Variants in STRBP observed in about 807,000 individuals in gnomAD.
The protein encoded by STRBP is spermatid perinuclear RNA-binding protein.
STRBP carries 13 observed loss-of-function variants against 80.1 expected under a neutral mutation model. The observed-to-expected ratio is 0.16, with a 90% CI of 0.11 to 0.26. The LOEUF (loss-of-function observed/expected upper bound fraction) is 0.26, where lower values mean the gene tolerates loss of function less well. Among genes scored for constraint, STRBP ranks in the 10% least tolerant of loss-of-function variants. The pLI is 1.00. For missense variants in STRBP, 485 were observed against 815.2 expected (o/e 0.59, Z 4.93); for synonymous variants, 284 against 291.2 (o/e 0.98, Z 0.25).
Position 123,201,128 on chromosome 9 carries a change from TGATTA to T in STRBP, c.-164-16835_-164-16831del, listed in dbSNP as rs2039311027. Among the ~76,000 whole-genome samples the T allele has an allele frequency of 1.3e-5, 2 of 152,164 alleles. 1 individual carries two copies. Among genetic ancestry groups the T allele is most frequent in the South Asian group, 4.1e-4 (2 of 4,828 alleles). On this transcript the variant is annotated intron_variant, in intron 2 of 18. Coordinates refer to ENST00000348403, the MANE Select transcript of STRBP (RefSeq NM_018387.5). ...AGCTTATTTGGGCCTTCTCTCTTCT[TGATTA>T]ATCTAGCTCATGGTCTATCAATTTT...
At chr9:123,217,498 T>C (rs896666033) in intron 2 of STRBP, among the ~76,000 whole-genome samples, 13 of 152,320 alleles carry the variant, frequency 8.5e-5, no homozygotes, top group Non-Finnish European at 1.2e-4. Flanking sequence ...TAAAAATCAT[T>C]GCCAATTAGA....
Position 123,159,097 on chromosome 9 carries a change from A to G in STRBP, c.834T>C (p.Pro278=). Residue 278 remains proline, a splice_region_variant and synonymous_variant, in exon 9 of 19, where the codon CCT becomes CCC. Transcript: ENST00000348403. ...MECLASGILL[P]GGPGLHDPCE... ...GCTTCCAGAGTTTGAAACCCTTACC[A>G]GGAAGTAGTATTCCAGATGCCAAAC... 1.2e-6 allele frequency: 2 copies of G among 1,611,528 alleles called. No individual in the cohort carries two copies. Among genetic ancestry groups the G allele is most frequent in the South Asian group, 1.1e-5 (1 of 90,954 alleles).
At chr9:123,241,191 AAAAAC>A (rs1232106880) in intron 1 of STRBP, among the ~76,000 whole-genome samples, 2 of 151,860 alleles carry the variant, frequency 1.3e-5, no homozygotes, top group African/African-American at 4.8e-5. Flanking sequence ...AAAAAAAAAA[AAAAAC>A]AAAGTGATTT....
intron 7 of STRBP, 130 bp downstream of exon 7, chr9:123,160,847 C>T: frequency 1.5e-6 from 1 of 686,186 alleles, no homozygotes; most frequent in Non-Finnish European, 2.4e-6. Context: ...TCAATTACTC[C>T]AACAACCACA....
At chr9:123,218,672 A>T (rs988755408) in intron 2 of STRBP, among the ~76,000 whole-genome samples, 7 of 152,178 alleles carry the variant, frequency 4.6e-5, no homozygotes, top group African/African-American at 1.7e-4. Context: ...CCCGGCCTAA[A>T]TATGACTTTT....
chr9:123,228,006 G>A (rs1328039455), intron 2 of STRBP, among the ~76,000 whole-genome samples: 2 of 152,232 alleles, frequency 1.3e-5, no homozygotes, highest in African/African-American at 2.4e-5. Flanking sequence ...GGCAACGGCA[G>A]AGATGGTAAG....
chr9:123,265,248 G>C (rs1249048872), intron 1 of STRBP, among the ~76,000 whole-genome samples: 2 of 151,096 alleles, frequency 1.3e-5, no homozygotes, highest in African/African-American at 2.4e-5. Context: ...TTGGTGTTCT[G>C]CTCCGCCCTC....
intron 6 of STRBP, among the ~76,000 whole-genome samples, chr9:123,163,623 T>C (rs2037620139): frequency 6.6e-6 from 1 of 152,222 alleles, no homozygotes; most frequent in Non-Finnish European, 1.5e-5. Flanking sequence ...TCAAAGTTCT[T>C]AATATTAAAA....
At chr9:123,223,337 A>C (rs1036976243) in intron 2 of STRBP, among the ~76,000 whole-genome samples, 1 of 152,212 alleles carries the variant, frequency 6.6e-6, no homozygotes, top group Non-Finnish European at 1.5e-5. Flanking sequence ...TAACAGAATG[A>C]ACATTATGCA....
In STRBP at chr9:123,125,437, C is replaced by T; in HGVS notation, c.*160G>A. The T allele has an allele frequency of 8.1e-7, 1 of 1,230,174 alleles. No individual in the cohort carries two copies. 76.2% of individuals were successfully genotyped at this position (1,230,174 alleles called of 1,614,324 possible). On this transcript the variant is annotated 3_prime_UTR_variant, in exon 19 of 19. Transcript: ENST00000348403. ...TTTTTTTTTTTCAAGTTTTAGAGAA[C>T]TAAATTTGCATTTGTTAAAATCAAA...
At chr9:123,187,429 C>G (rs1316933526) in intron 2 of STRBP, among the ~76,000 whole-genome samples, 1 of 152,002 alleles carries the variant, frequency 6.6e-6, no homozygotes, top group Non-Finnish European at 1.5e-5. Context: ...ATAAAAATAC[C>G]TAATAATATC....
rs1204717878 is a variant in STRBP at position 123,179,122 on chromosome 9, T to C, written c.109A>G (p.Thr37Ala). The C allele has an allele frequency of 1.9e-6, 3 of 1,614,138 alleles. No individual in the cohort carries two copies. The highest frequency in any genetic ancestry group is 1.7e-5 in the Admixed American group (1 of 60,026). The change falls in exon 4 of 19, where the codon ACT becomes GCT. Residue 37 changes from threonine (T) to alanine (A), a missense_variant. Thr to Ala is a moderately conservative substitution (Grantham distance 58, BLOSUM62 0). Coordinates refer to ENST00000348403, the MANE Select transcript of STRBP (RefSeq NM_018387.5). Reference sequence around the variant, plus strand: ...ACATGTTTAAGAGCACATTCAACAGTAGATACCATATTCTGAACAGCTTCA... The same window carrying C: ...ACATGTTTAAGAGCACATTCAACAGCAGATACCATATTCTGAACAGCTTCA... ...ELEAVQNMVS[T>A]VECALKHVSD...
chr9:123,136,272 A>T lies in STRBP; in HGVS notation c.1633-91T>A. On this transcript the variant is annotated intron_variant, in intron 15 of 18. Transcript: ENST00000348403. This position sits in a 1 kb window ranked among gnomAD's most constrained non-coding sequence, Gnocchi z 4.2. The stretch of plus-strand genomic sequence containing the variant: ...AGATTATGACACAGAAAACACCAAA[A>T]ATCAAATAGTGCCACAAGAACTGAC... The T allele has an allele frequency of 6.3e-7, 1 of 1,594,614 alleles. No individual in the cohort carries two copies. The highest frequency in any genetic ancestry group is 8.5e-7 in the Non-Finnish European group (1 of 1,170,798).
chr9:123,110,807 C>G lies in STRBP; in HGVS notation c.*85-1054G>C, dbSNP rs184423812. On this transcript the variant is annotated intron_variant and NMD_transcript_variant, in intron 3 of 3. Transcript: ENST00000471564. The surrounding 1 kb of genome is among the most constrained non-coding windows in gnomAD (Gnocchi z 4.1). The stretch of plus-strand genomic sequence containing the variant: ...AACATTTCTAAAAATGAGCCCTCCT[C>G]CCTCGGAAAGGTAGTAAGTAGTAGC... 3.5e-4 allele frequency: 60 copies of G among 169,372 alleles called. No individual in the cohort carries two copies. Among genetic ancestry groups the G allele is most frequent in the Non-Finnish European group, 7.3e-4 (50 of 68,212 alleles). 10.5% of individuals were successfully genotyped at this position (169,372 alleles called of 1,614,324 possible). A position where few individuals can be genotyped will look rare whatever the true frequency, so the allele number is the denominator to read the frequency against.
rs1010344648 is a variant in STRBP, at chr9:123,142,336, T to C, written c.1339-2649A>G. Among the ~76,000 whole-genome samples the C allele has an allele frequency of 2.0e-5, 3 of 152,184 alleles. No individual in the cohort carries two copies. The East Asian group carries it at 5.8e-4, about 29-fold the overall frequency. On this transcript the variant is annotated intron_variant, in intron 13 of 18. Transcript: ENST00000348403. ...CCTCCTGCTCGGACCACATAAGATGTGCCTGCTTCCCCTTCCACCATGATT... is the reference window on the plus strand; with the variant it reads ...CCTCCTGCTCGGACCACATAAGATGCGCCTGCTTCCCCTTCCACCATGATT...
intron 8 of STRBP, 117 bp downstream of exon 8, chr9:123,160,250 C>A: frequency 3.5e-6 from 2 of 569,772 alleles, no homozygotes; most frequent in Non-Finnish European, 5.6e-6. Flanking sequence ...GGCAAACATA[C>A]ATAATGCATG....
At chr9:123,244,699 G>C (rs1390583961) in intron 1 of STRBP, among the ~76,000 whole-genome samples, 3 of 152,192 alleles carry the variant, frequency 2.0e-5, no homozygotes, top group African/African-American at 7.2e-5. Flanking sequence ...CACATACACT[G>C]CTGGTGGGAA....
At chr9:123,263,333 A>G (rs1296564982) in intron 1 of STRBP, among the ~76,000 whole-genome samples, 1 of 152,092 alleles carries the variant, frequency 6.6e-6, no homozygotes, top group African/African-American at 2.4e-5. Context: ...CCTGGGCAAC[A>G]CAGCAAGACC....
At position 123,160,436 on chromosome 9, in the gene STRBP, A is replaced by T; in HGVS notation, c.654T>A (p.Cys218Ter). Reference protein sequence around the residue: ...FQARANGLKSCVIVLRILRDL... With the variant: ...FQARANGLKS ...CACGCAGAATGCGGAGGACAATTACACATGATTTTAATCCATTTGCCCTTG... is the reference window on the plus strand; with the variant it reads ...CACGCAGAATGCGGAGGACAATTACTCATGATTTTAATCCATTTGCCCTTG... The change falls in exon 8 of 19, where the codon TGT becomes TGA. Residue 218 changes from cysteine to a stop codon, truncating the protein, a stop_gained. Coordinates refer to ENST00000348403, the MANE Select transcript of STRBP (RefSeq NM_018387.5). LOFTEE classifies it high-confidence loss of function. 1 of 1,603,936 alleles carries T rather than the reference A, an allele frequency of 6.2e-7. No individual in the cohort carries two copies. Among genetic ancestry groups the T allele is most frequent in the Non-Finnish European group, 8.5e-7 (1 of 1,172,898 alleles).
Sources: gnomAD v4.1 joint callset for allele counts (sites outside exome capture counted in the v4.1 genomes callset) on GRCh38, gnomAD v4.1.1 for gene constraint, Gnocchi (gnomAD v3.1) non-coding constraint, MANE v1.5 for transcripts, NCBI Gene and HGNC (gene_info 2026-07-23, HGNC 2026-07-21) for gene names.